Variants in TUBB3 observed in about 807,000 individuals in gnomAD.
TUBB3 encodes the protein tubulin beta-3 chain.
In TUBB3, 17 loss-of-function variants were observed where a neutral mutation model predicts 37.8. That is an observed-to-expected ratio of 0.45 (90% CI 0.31 to 0.67). The LOEUF (loss-of-function observed/expected upper bound fraction) is 0.67, where lower values mean the gene tolerates loss of function less well. Ranked by LOEUF, TUBB3 falls within the 30% of genes least tolerant of loss-of-function variation. The pLI, the probability that TUBB3 is intolerant of heterozygous loss-of-function variation, is 0.07. For missense variants in TUBB3, 262 were observed against 657.9 expected (o/e 0.40, Z 6.58); for synonymous variants, 332 against 278.9 (o/e 1.19, Z -1.90).
intron 1 of TUBB3, chr16:89,931,936 T>C (rs965823954): frequency 6.2e-6 from 2 of 324,138 alleles, no homozygotes; most frequent in Non-Finnish European, 1.3e-5. Flanking sequence ...CTGGGTGACC[T>C]CAGGCAAGTC....
chr16:89,935,768 C>G lies in TUBB3; in HGVS notation c.1317C>G (p.Asp439Glu). Reference protein sequence around the residue: ...TAEEEGEMYEDDEEESEAQGP... With the variant: ...TAEEEGEMYEEDEEESEAQGP... The stretch of plus-strand genomic sequence containing the variant: ...AGGAAGAGGGCGAGATGTACGAAGA[C>G]GACGAGGAGGAGTCGGAGGCCCAGG... Residue 439 changes from aspartate (D) to glutamate (E), a missense_variant, in exon 4 of 4, where the codon GAC becomes GAG. Physicochemically the swap from Asp to Glu is conservative, Grantham distance 45. Transcript: ENST00000315491. 6.2e-7 allele frequency: 1 copy of G among 1,613,848 alleles called. No homozygotes were observed. Among genetic ancestry groups the G allele is most frequent in the Non-Finnish European group, 8.5e-7 (1 of 1,179,948 alleles).
chr16:89,924,688 C>T (rs1354316782), intron 1 of TUBB3, among the ~76,000 whole-genome samples: 1 of 152,054 alleles, frequency 6.6e-6, no homozygotes, highest in African/African-American at 2.4e-5. Flanking sequence ...AACTTTGGCT[C>T]CGGGTGGAGG....
intron 2 of TUBB3, 171 bp from the exon 3 acceptor site, chr16:89,933,297 A>G: frequency 1.3e-6 from 1 of 747,438 alleles, no homozygotes; most frequent in South Asian, 1.4e-5. Flanking sequence ...AGTGAGGCTT[A>G]AGGGTGAAGA....
chr16:89,923,416 G>T lies in TUBB3; in HGVS notation c.15G>T (p.Val5=). The T allele has an allele frequency of 6.6e-7, 1 of 1,511,232 alleles. No individual in the cohort carries two copies. The highest frequency in any genetic ancestry group is 8.9e-7 in the Non-Finnish European group (1 of 1,129,254). The allele number at this position is 1,511,232 out of a possible 1,614,324, so 93.6% of individuals were successfully genotyped here. MREI[V]HIQAGQCGNQ... is the part of the protein sequence containing the mutation. ...ACGCGCCCAGTATGAGGGAGATCGTGCACATCCAGGCCGGCCAGTGCGGCA... is the reference window on the plus strand; with the variant it reads ...ACGCGCCCAGTATGAGGGAGATCGTTCACATCCAGGCCGGCCAGTGCGGCA... The change falls in exon 1 of 4, where the codon GTG becomes GTT. Residue 5 remains valine (V), a synonymous_variant. Coordinates refer to ENST00000315491, the MANE Select transcript of TUBB3 (RefSeq NM_006086.4).
chr16:89,928,345 C>G (rs2030158345), intron 1 of TUBB3, among the ~76,000 whole-genome samples: 1 of 151,866 alleles, frequency 6.6e-6, no homozygotes, highest in African/African-American at 2.4e-5. Context: ...TATGAGCCAC[C>G]ATGGCCAGCT....
chr16:89,934,628 TG>T (rs960277766), intron 3 of TUBB3, 100 bp from the exon 4 acceptor site: 9 of 1,171,728 alleles, frequency 7.7e-6, no homozygotes, highest in Non-Finnish European at 8.7e-6. Flanking sequence ...AGAACAGGCA[TG>T]GGGCTGCCAC....
At chr16:89,924,643 A>C (rs2030008574) in intron 1 of TUBB3, among the ~76,000 whole-genome samples, 1 of 151,746 alleles carries the variant, frequency 6.6e-6, no homozygotes, top group Non-Finnish European at 1.5e-5. Context: ...AGCTAATTAC[A>C]ACAGGGCCAG....
Position 89,927,396 on chromosome 16 carries a change from G to A in TUBB3, c.57+3938G>A, listed in dbSNP as rs1288764450. On this transcript the variant is annotated intron_variant, in intron 1 of 3. Transcript: ENST00000315491. ...CAAGACCCTATCTAAAAAAAAAAAA[G>A]GAACAATATATTTTATTACTTTATC... 4.0e-5 allele frequency among the ~76,000 whole-genome samples: 6 copies of A among 150,222 alleles called. No individual in the cohort carries two copies. The South Asian group carries it at 1.1e-3, about 26-fold the overall frequency.
chr16:89,931,073 C>T (rs925141150), intron 1 of TUBB3, among the ~76,000 whole-genome samples: 2 of 152,090 alleles, frequency 1.3e-5, no homozygotes, highest in Non-Finnish European at 2.9e-5. Flanking sequence ...GTGATCCACC[C>T]GCCTCGGCCT....
intron 1 of TUBB3, among the ~76,000 whole-genome samples, chr16:89,925,457 G>T (rs918801672): frequency 1.3e-5 from 2 of 151,352 alleles, no homozygotes; most frequent in African/African-American, 2.4e-5. Context: ...TTAGCCTGGC[G>T]TGGTGGGCCG....
intron 1 of TUBB3, among the ~76,000 whole-genome samples, chr16:89,928,749 C>T (rs2030175695): frequency 6.6e-6 from 1 of 152,042 alleles, no homozygotes; most frequent in Non-Finnish European, 1.5e-5. Flanking sequence ...TGGTCTCGAT[C>T]TCCTGACCTC....
intron 3 of TUBB3, chr16:89,934,464 G>C (rs760208425): frequency 1.6e-6 from 1 of 622,274 alleles, no homozygotes; most frequent in Non-Finnish European, 3.0e-6. Context: ...ATTCACCCAG[G>C]ATCCCCTCAG....
rs758099244 is a variant in TUBB3 at position 89,935,366 on chromosome 16, G to A, written c.915G>A (p.Pro305=). ...AGAACATGATGGCCGCCTGCGACCCGCGCCACGGCCGCTACCTGACGGTGG... is the reference window on the plus strand; with the variant it reads ...AGAACATGATGGCCGCCTGCGACCCACGCCACGGCCGCTACCTGACGGTGG... ...DAKNMMAACD[P]RHGRYLTVAT... Residue 305 remains proline (P), a synonymous_variant, in exon 4 of 4, where the codon CCG becomes CCA. Transcript: ENST00000315491. The A allele has an allele frequency of 1.5e-5, 25 of 1,613,948 alleles. No homozygotes were observed. The highest frequency in any genetic ancestry group is 1.6e-4 in the Middle Eastern group (1 of 6,080).
intron 3 of TUBB3, chr16:89,933,791 G>C (rs778805271): frequency 2.8e-6 from 2 of 703,660 alleles, no homozygotes; most frequent in Non-Finnish European, 5.2e-6. Context: ...ATTTCAAGTG[G>C]AATGAAGTGT....
At position 89,923,394 on chromosome 16, in the gene TUBB3, C is replaced by T. The variant is rs1280472840; in HGVS notation, c.-8C>T. The T allele has an allele frequency of 2.7e-6, 4 of 1,485,252 alleles. No homozygotes were observed. The South Asian group carries it at 3.8e-5, about 14-fold the overall frequency. The allele number at this position is 1,485,252 out of a possible 1,614,324, so 92.0% of individuals were successfully genotyped here. On this transcript the variant is annotated 5_prime_UTR_variant, in exon 1 of 4. Transcript: ENST00000315491. Reference sequence around the variant, plus strand: ...CCCGTCCGCAGCCGCCCGCCAGACGCGCCCAGTATGAGGGAGATCGTGCAC... The same window carrying T: ...CCCGTCCGCAGCCGCCCGCCAGACGTGCCCAGTATGAGGGAGATCGTGCAC...
At position 89,935,039 on chromosome 16, in the gene TUBB3, G is replaced by A. The variant is rs374448137; in HGVS notation, c.588G>A (p.Thr196=). 74 of 1,614,052 alleles carry A rather than the reference G, an allele frequency of 4.6e-5. No individual in the cohort carries two copies. The highest frequency in any genetic ancestry group is 8.0e-5 in the African/African-American group (6 of 74,918). Reference sequence around the variant, plus strand: ...CCATCCACCAGCTGGTGGAGAACACGGATGAGACCTACTGCATCGACAACG... The same window carrying A: ...CCATCCACCAGCTGGTGGAGAACACAGATGAGACCTACTGCATCGACAACG... The part of the protein sequence containing the change: ...TLSIHQLVEN[T]DETYCIDNEA... Residue 196 remains threonine (T), a synonymous_variant, in exon 4 of 4, where the codon ACG becomes ACA. Transcript: ENST00000315491.
In TUBB3 at chr16:89,923,519, C is replaced by T. The variant is rs2029960580; in HGVS notation, c.57+61C>T. 5 of 1,328,280 alleles carry T rather than the reference C, an allele frequency of 3.8e-6. No homozygotes were observed. In the African/African-American group the frequency reaches 4.6e-5, roughly 12 times the overall value. The allele number at this position is 1,328,280 out of a possible 1,614,324, so 82.3% of individuals were successfully genotyped here. A position where few individuals can be genotyped will look rare whatever the true frequency, so the allele number is the denominator to read the frequency against. Reference sequence around the variant, plus strand: ...GGGCGGGAGGAGGGAGGCGCCGTGCCCCGCGGGCCGCACCTCCAGCTGCCC... The same window carrying T: ...GGGCGGGAGGAGGGAGGCGCCGTGCTCCGCGGGCCGCACCTCCAGCTGCCC... On this transcript the variant is annotated intron_variant, in intron 1 of 3. Transcript: ENST00000315491.
rs979839788 is a variant in TUBB3 at position 89,929,291 on chromosome 16, A to G, written c.58-3280A>G. Among the ~76,000 whole-genome samples the G allele has an allele frequency of 4.6e-5, 7 of 152,158 alleles. No homozygotes were observed. The East Asian group carries it at 9.6e-4, about 21-fold the overall frequency. ...ATCATTTTTGTAATTTAAAAATTTA[A>G]CGCAAAAAGAATAAAACTTAGCAAT... is the stretch of plus-strand genomic sequence containing the variant. On this transcript the variant is annotated intron_variant, in intron 1 of 3. Coordinates refer to ENST00000315491, the MANE Select transcript of TUBB3 (RefSeq NM_006086.4).
At position 89,935,567 on chromosome 16, in the gene TUBB3, G is replaced by A. The variant is rs566062002; in HGVS notation, c.1116G>A (p.Thr372=). ...KMSSTFIGNS[T]AIQELFKRIS... ...CCTCCACCTTCATCGGGAACAGCAC[G>A]GCCATCCAGGAGCTGTTCAAGCGCA... Residue 372 remains threonine, a synonymous_variant, in exon 4 of 4, where the codon ACG becomes ACA. Transcript: ENST00000315491. 13 of 1,614,058 alleles carry A rather than the reference G, an allele frequency of 8.1e-6. No homozygotes were observed. The highest frequency in any genetic ancestry group is 5.3e-5 in the African/African-American group (4 of 75,070).
Sources: allele counts gnomAD v4.1 joint callset (sites outside exome capture counted in the v4.1 genomes callset), GRCh38; gene constraint gnomAD v4.1.1; transcripts MANE v1.5; gene names NCBI Gene and HGNC (gene_info 2026-07-23, HGNC 2026-07-21).